Variants in L3MBTL4 observed in about 807,000 individuals in gnomAD.
L3MBTL4 encodes L3MBTL histone methyl-lysine binding protein 4, also known as lethal(3)malignant brain tumor-like protein 4.
A neutral mutation model predicts 84.5 loss-of-function variants in L3MBTL4; 70 were observed. The observed-to-expected ratio is 0.83, with a 90% CI of 0.68 to 1.01. The LOEUF is 1.01. L3MBTL4 is among the 50% of genes least tolerant of loss of function. The pLI is 0.00. For missense variants in L3MBTL4, 715 were observed against 754.8 expected (o/e 0.95, Z 0.62); for synonymous variants, 274 against 259.8 (o/e 1.05, Z -0.52).
At chr18:6,212,879 C>G (rs1306364502) in intron 12 of L3MBTL4, among the ~76,000 whole-genome samples, 1 of 152,130 alleles carries the variant, frequency 6.6e-6, no homozygotes, top group Non-Finnish European at 1.5e-5. Flanking sequence ...AAGCCAGGGG[C>G]AGTTTTATTC....
chr18:6,241,500 A>C (rs1044755936), intron 7 of L3MBTL4, 51 bp from the exon 8 acceptor site: 2 of 958,690 alleles, frequency 2.1e-6, no homozygotes, highest in Non-Finnish European at 3.3e-6. Context: ...AATCACATGC[A>C]TATTAAATAT....
At chr18:6,232,912 A>G (rs1368280182) in intron 10 of L3MBTL4, among the ~76,000 whole-genome samples, 1 of 152,226 alleles carries the variant, frequency 6.6e-6, no homozygotes, top group Admixed American at 6.5e-5. Flanking sequence ...ATTATTTATA[A>G]GAACTCAATA....
intron 14 of L3MBTL4, among the ~76,000 whole-genome samples, chr18:6,100,769 A>T (rs1485078400): frequency 6.6e-6 from 1 of 152,156 alleles, no homozygotes; most frequent in East Asian, 1.9e-4. Flanking sequence ...CCAGGTGGGG[A>T]GTGGGGGAGC....
At chr18:6,167,161 GCT>G (rs2043710970) in intron 13 of L3MBTL4, among the ~76,000 whole-genome samples, 1 of 152,104 alleles carries the variant, frequency 6.6e-6, no homozygotes, top group African/African-American at 2.4e-5. Flanking sequence ...TCAATAACAG[GCT>G]CTGAAATTGA....
intron 1 of L3MBTL4, among the ~76,000 whole-genome samples, chr18:6,322,517 A>AC (rs2051477632): frequency 2.8e-5 from 4 of 145,154 alleles, no homozygotes; most frequent in Non-Finnish European, 4.6e-5. Context: ...AAGGAAAAAA[A>AC]AAACAAACAA....
intron 1 of L3MBTL4, among the ~76,000 whole-genome samples, chr18:6,345,215 CAAAAAAAAAAAAAA>C (rs35502624): frequency 2.6e-5 from 1 of 38,498 alleles, no homozygotes; most frequent in Non-Finnish European, 4.9e-5. Flanking sequence ...TACTAAAATA[CAAAAAAAAAAAAAA>C]AAAAAAAGAA....
At chr18:6,246,701 C>T (rs1025741946) in intron 5 of L3MBTL4, among the ~76,000 whole-genome samples, 3 of 152,144 alleles carry the variant, frequency 2.0e-5, no homozygotes, top group Non-Finnish European at 2.9e-5. Flanking sequence ...GTCAGGAGTT[C>T]GAGACCAGCC....
intron 16 of L3MBTL4, among the ~76,000 whole-genome samples, chr18:5,997,005 C>T (rs922743318): frequency 5.3e-5 from 8 of 151,092 alleles, no homozygotes; most frequent in African/African-American, 2.0e-4. Context: ...AATTGATCCT[C>T]AGTATCCATG....
At chr18:6,169,214 CTT>C (rs1221605649) in intron 13 of L3MBTL4, among the ~76,000 whole-genome samples, 8 of 152,168 alleles carry the variant, frequency 5.3e-5, no homozygotes, top group African/African-American at 1.9e-4. Flanking sequence ...AATGGGAACA[CTT>C]TTACACTGTT....
chr18:6,253,017 C>T (rs111738650), intron 5 of L3MBTL4, among the ~76,000 whole-genome samples: 13,189 of 152,102 alleles, frequency 0.087, 1,845 homozygotes, highest in African/African-American at 0.29. Flanking sequence ...TCCTGGCCAA[C>T]GTGGTGAAAC....
At chr18:6,061,379 C>G (rs955970256) in intron 16 of L3MBTL4, among the ~76,000 whole-genome samples, 1 of 152,018 alleles carries the variant, frequency 6.6e-6, no homozygotes, top group Non-Finnish European at 1.5e-5. Flanking sequence ...GTACATTTTG[C>G]GTACAATTCC....
At chr18:6,230,574 T>C (rs2046957772) in intron 10 of L3MBTL4, among the ~76,000 whole-genome samples, 1 of 152,150 alleles carries the variant, frequency 6.6e-6, no homozygotes, top group South Asian at 2.1e-4. Context: ...GAAGAACAAT[T>C]TATATTCCTT....
At chr18:6,146,654 GT>G (rs1271457656) in intron 13 of L3MBTL4, among the ~76,000 whole-genome samples, 2 of 152,156 alleles carry the variant, frequency 1.3e-5, no homozygotes, top group Non-Finnish European at 2.9e-5. Flanking sequence ...TTATTAAGAA[GT>G]TTTTATATAA....
intron 16 of L3MBTL4, among the ~76,000 whole-genome samples, chr18:6,044,089 T>C (rs377699599): frequency 1.3e-5 from 2 of 152,216 alleles, no homozygotes; most frequent in South Asian, 2.1e-4. Context: ...GTATATTCAT[T>C]GAATCAAAGT....
At chr18:6,363,935 C>A (rs1239074108) in intron 1 of L3MBTL4, among the ~76,000 whole-genome samples, 1 of 151,574 alleles carries the variant, frequency 6.6e-6, no homozygotes, top group Non-Finnish European at 1.5e-5. Flanking sequence ...CATCTAACAG[C>A]TGGGAAAAAA....
intron 1 of L3MBTL4, among the ~76,000 whole-genome samples, chr18:6,345,237 GAA>G (rs60415566): frequency 9.0e-6 from 1 of 111,690 alleles, no homozygotes; most frequent in Non-Finnish European, 1.9e-5. Context: ...AAAAAAAAAA[GAA>G]AAAAAAAAAG....
At chr18:6,293,026 C>T (rs2049936007) in intron 4 of L3MBTL4, among the ~76,000 whole-genome samples, 1 of 152,168 alleles carries the variant, frequency 6.6e-6, no homozygotes, top group Non-Finnish European at 1.5e-5. Context: ...TTGTTCTTCA[C>T]ACATAACAAA....
At chr18:6,138,087 CAG>C in intron 14 of L3MBTL4, 105 bp downstream of exon 14, 1 of 638,708 alleles carries the variant, frequency 1.6e-6, no homozygotes, top group Non-Finnish European at 2.7e-6. Context: ...GGGAGTGTCA[CAG>C]GGGCAGCTGG....
intron 16 of L3MBTL4, among the ~76,000 whole-genome samples, chr18:6,053,619 T>C (rs1237018173): frequency 6.6e-6 from 1 of 152,238 alleles, no homozygotes; most frequent in Non-Finnish European, 1.5e-5. Context: ...TAGCCAAGGA[T>C]AGTTGCTTCA....
Sources: gnomAD v4.1 joint callset for allele counts (sites outside exome capture counted in the v4.1 genomes callset) on GRCh38, gnomAD v4.1.1 for gene constraint, MANE v1.5 for transcripts, NCBI Gene and HGNC (gene_info 2026-07-23, HGNC 2026-07-21) for gene names.